Variants in PRSS23 observed in about 807,000 individuals in gnomAD.
PRSS23 encodes protease, serine 23.
A neutral mutation model predicts 34.7 loss-of-function variants in PRSS23; 25 were observed. The observed-to-expected ratio is 0.72, with a 90% CI of 0.53 to 1.01. PRSS23 has a LOEUF of 1.01. Ranked by LOEUF, PRSS23 falls within the 50% of genes least tolerant of loss-of-function variation. PRSS23 has a pLI of 0.00. For missense variants in PRSS23, 445 were observed against 475.6 expected (o/e 0.94, Z 0.60); for synonymous variants, 176 against 186.6 (o/e 0.94, Z 0.46).
intron 2 of PRSS23, among the ~76,000 whole-genome samples, chr11:86,844,411 TA>T (rs11319772): frequency 0.66 from 100,416 of 151,008 alleles, 35,233 homozygotes; most frequent in African/African-American, 0.9. Context: ...TAAAGTATAA[TA>T]AAAAAAAAAT....
chr11:86,947,182 G>A, intron 2 of PRSS23: 1 of 163,080 alleles, frequency 6.1e-6, no homozygotes, highest in Non-Finnish European at 1.3e-5. Flanking sequence ...CAGCCTGGGT[G>A]ACAGAGCAAG....
chr11:86,799,379 TGA>T (rs1044177474), upstream of PRSS23, among the ~76,000 whole-genome samples: 6 of 152,224 alleles, frequency 3.9e-5, no homozygotes, highest in Admixed American at 3.9e-4. Context: ...CTTCCCTTTC[TGA>T]GAGTAGACTT....
intron 2 of PRSS23, among the ~76,000 whole-genome samples, chr11:86,888,189 A>G (rs1218637514): frequency 6.6e-6 from 1 of 152,050 alleles, no homozygotes; most frequent in Non-Finnish European, 1.5e-5. Context: ...GGAAGACCCT[A>G]GAAGGCTTTA....
At chr11:86,792,495 T>C (rs1281564274) in intron 1 of PRSS23, among the ~76,000 whole-genome samples, 1 of 152,156 alleles carries the variant, frequency 6.6e-6, no homozygotes. Context: ...TAAAGTATCA[T>C]CATTTGAACC....
chr11:86,854,966 G>A (rs1234947889), intron 2 of PRSS23, among the ~76,000 whole-genome samples: 1 of 152,200 alleles, frequency 6.6e-6, no homozygotes, highest in Non-Finnish European at 1.5e-5. Context: ...GGAAGTTCAA[G>A]TCCAGCCTGA....
At chr11:86,951,862 C>T in exon 3 of PRSS23, 1 of 1,613,590 alleles carries the variant, frequency 6.2e-7, no homozygotes. Flanking sequence ...ATCCTGTGTT[C>T]TTAAGTCCTT....
intron 2 of PRSS23, chr11:86,908,893 C>T (rs897173097): frequency 1.3e-5 from 2 of 151,898 alleles, no homozygotes; most frequent in Non-Finnish European, 2.9e-5. Context: ...ATTTTTAGCC[C>T]CACTCCAGAT....
chr11:86,821,843 C>G, intron 1 of PRSS23: 1 of 468,114 alleles, frequency 2.1e-6, no homozygotes, highest in Non-Finnish European at 3.8e-6. Flanking sequence ...CCTATTGGCT[C>G]GATTTAATAA....
intron 2 of PRSS23, among the ~76,000 whole-genome samples, chr11:86,866,088 A>G (rs1948647601): frequency 6.6e-6 from 1 of 152,162 alleles, no homozygotes; most frequent in South Asian, 2.1e-4. Flanking sequence ...GGGGTATTTC[A>G]AAGGTTGAGG....
At chr11:86,903,826 A>G (rs1248520767) in intron 2 of PRSS23, among the ~76,000 whole-genome samples, 1 of 152,160 alleles carries the variant, frequency 6.6e-6, no homozygotes, top group African/African-American at 2.4e-5. Context: ...TAAAATGCTT[A>G]CTTCCAGACC....
At chr11:86,865,183 G>A (rs775980987) in intron 2 of PRSS23, among the ~76,000 whole-genome samples, 21 of 152,198 alleles carry the variant, frequency 1.4e-4, no homozygotes, top group Non-Finnish European at 3.1e-4. Context: ...CTGCTCTATG[G>A]AAGCATCACG....
At chr11:86,821,380 C>T in intron 1 of PRSS23, 1 of 1,183,974 alleles carries the variant, frequency 8.4e-7, no homozygotes. Context: ...CGGATTACTT[C>T]TTTATGCTAA....
chr11:86,945,394 TAAC>T (rs1274002724), intron 2 of PRSS23, among the ~76,000 whole-genome samples: 1 of 149,810 alleles, frequency 6.7e-6, no homozygotes, highest in African/African-American at 2.5e-5. Flanking sequence ...GTCATTGGGA[TAAC>T]AACTTGAGAA....
At chr11:86,823,975 C>T (rs1191651616) in intron 2 of PRSS23, among the ~76,000 whole-genome samples, 2 of 114,462 alleles carry the variant, frequency 1.7e-5, no homozygotes, top group South Asian at 3.1e-4. Context: ...CACTGCAGTC[C>T]GGCCTGGGCG....
At chr11:86,793,207 C>A (rs577337821) in intron 1 of PRSS23, among the ~76,000 whole-genome samples, 1 of 152,290 alleles carries the variant, frequency 6.6e-6, no homozygotes, top group Admixed American at 6.5e-5. Flanking sequence ...AACTAGATTT[C>A]TTTATGCAAG....
chr11:86,903,421 C>G (rs1474405307), intron 2 of PRSS23, among the ~76,000 whole-genome samples: 1 of 152,092 alleles, frequency 6.6e-6, no homozygotes, highest in Non-Finnish European at 1.5e-5. Context: ...TACAACCCAG[C>G]CCTATACAGT....
chr11:86,815,241 C>G (rs751817215), downstream of PRSS23, among the ~76,000 whole-genome samples: 9 of 152,216 alleles, frequency 5.9e-5, no homozygotes, highest in Non-Finnish European at 4.4e-5. Context: ...CAATGCCCCT[C>G]AGCCCCTTCC....
chr11:86,907,411 G>A (rs771031777), intron 2 of PRSS23, among the ~76,000 whole-genome samples: 4 of 152,016 alleles, frequency 2.6e-5, no homozygotes, highest in Admixed American at 6.6e-5. Flanking sequence ...CTTTTCTATA[G>A]GGAACTTTTT....
chr11:86,891,000 T>C (rs577444684), intron 2 of PRSS23, among the ~76,000 whole-genome samples: 182 of 152,190 alleles, frequency 1.2e-3, no homozygotes, highest in Non-Finnish European at 2.2e-3. Context: ...TTTGGTTCGG[T>C]GAGATAAAGT....
Sources: allele counts gnomAD v4.1 joint callset (sites outside exome capture counted in the v4.1 genomes callset), GRCh38; gene constraint gnomAD v4.1.1; transcripts MANE v1.5; gene names NCBI Gene and HGNC (gene_info 2026-07-23, HGNC 2026-07-21).